Variants in MAP2 observed in about 807,000 individuals in gnomAD.
MAP2 encodes the protein microtubule associated protein 2, also known as microtubule-associated protein 2.
A neutral mutation model predicts 137.6 loss-of-function variants in MAP2; 14 were observed. That is an observed-to-expected ratio of 0.10 (90% CI 0.07 to 0.16). MAP2 has a LOEUF of 0.16. Ranked by LOEUF, MAP2 falls within the 10% of genes least tolerant of loss-of-function variation. The pLI is 1.00. For missense variants in MAP2, 2,088 were observed against 2,191.5 expected, an observed-to-expected ratio of 0.95 and a Z score of 0.94; for synonymous variants, 786 against 782.3, an observed-to-expected ratio of 1.00 and a Z score of -0.08.
rs1257356907 is a variant in MAP2, at chr2:209,484,956, C to T, written c.-221-22636C>T. On this transcript the variant is annotated intron_variant, in intron 1 of 15. Coordinates refer to ENST00000682079, the MANE Select transcript of MAP2 (RefSeq NM_001375505.1). ...TCCCAAAGGCACATTGAAATCGGGCCGATAGAAACGCGATAGCAGTTGTGC... is the reference window on the plus strand; with the variant it reads ...TCCCAAAGGCACATTGAAATCGGGCTGATAGAAACGCGATAGCAGTTGTGC... Among the ~76,000 whole-genome samples, 4 of 152,106 alleles carry T rather than the reference C, an allele frequency of 2.6e-5. No individual in the cohort carries two copies. In the East Asian group the frequency reaches 7.7e-4, roughly 29 times the overall value.
At chr2:209,506,739 A>G (rs915358046) in intron 1 of MAP2, among the ~76,000 whole-genome samples, 1 of 152,174 alleles carries the variant, frequency 6.6e-6, no homozygotes, top group African/African-American at 2.4e-5. Context: ...TTGATCGTTT[A>G]CCACTGGAAT....
Position 209,692,696 on chromosome 2 carries a change from G to C in MAP2, c.526G>C (p.Asp176His), listed in dbSNP as rs375849922. 4 of 1,613,686 alleles carry C rather than the reference G, an allele frequency of 2.5e-6. No homozygotes were observed. The highest frequency in any genetic ancestry group is 3.4e-6 in the Non-Finnish European group (4 of 1,179,850). The change falls in exon 8 of 16, where the codon GAC (aspartate) becomes CAC (histidine). Residue 176 changes from aspartate to histidine, a missense_variant. Physicochemically the swap from Asp to His is moderately conservative, Grantham distance 81 (BLOSUM62 -1). Transcript: ENST00000682079. ...GACTCCCTCTACAGCTGAGCCTTCA[G>C]ACCAGAAGGAAAAGGAGTCAGAGAA... ...ELTPSTAEPS[D>H]QKEKESEKQS...
intron 1 of MAP2, among the ~76,000 whole-genome samples, chr2:209,462,986 C>G (rs1703208466): frequency 6.6e-6 from 1 of 150,814 alleles, no homozygotes. Flanking sequence ...GCATAATGCA[C>G]ACACACACAC....
At chr2:209,595,277 G>A (rs903665379) in intron 3 of MAP2, among the ~76,000 whole-genome samples, 2 of 152,144 alleles carry the variant, frequency 1.3e-5, no homozygotes, top group African/African-American at 2.4e-5. Context: ...GAATATTTAT[G>A]TTAAAATGAG....
intron 5 of MAP2, among the ~76,000 whole-genome samples, chr2:209,675,788 A>C (rs1303138835): frequency 5.9e-5 from 9 of 151,844 alleles, no homozygotes; most frequent in Non-Finnish European, 1.5e-5. Context: ...TATCTTCCCA[A>C]TCTAAAAAAA....
chr2:209,592,067 T>G (rs2079406938), intron 3 of MAP2, among the ~76,000 whole-genome samples: 1 of 152,174 alleles, frequency 6.6e-6, no homozygotes, highest in Non-Finnish European at 1.5e-5. Context: ...TTCTAAGTGT[T>G]GAGATCCAGA....
intron 1 of MAP2, among the ~76,000 whole-genome samples, chr2:209,451,882 C>A (rs1412805493): frequency 1.3e-5 from 2 of 152,188 alleles, no homozygotes; most frequent in African/African-American, 4.8e-5. Context: ...TCTCTACTCT[C>A]ACAAAGAACC....
At chr2:209,553,987 A>G (rs1239801188) in intron 2 of MAP2, among the ~76,000 whole-genome samples, 2 of 152,194 alleles carry the variant, frequency 1.3e-5, no homozygotes, top group African/African-American at 4.8e-5. Flanking sequence ...GAAGCTCACA[A>G]CTGACTCGAG....
chr2:209,695,280 G>A lies in MAP2; in HGVS notation c.3110G>A (p.Gly1037Asp), dbSNP rs745784204. 22 of 1,613,862 alleles carry A rather than the reference G, an allele frequency of 1.4e-5. 1 individual carries two copies. In the South Asian group the frequency reaches 2.4e-4, roughly 18 times the overall value. The change falls in exon 8 of 16, where the codon GGT becomes GAT. Residue 1037 changes from glycine (G) to aspartate (D), a missense_variant. Coordinates refer to ENST00000682079, the MANE Select transcript of MAP2 (RefSeq NM_001375505.1). Reference sequence around the variant, plus strand: ...GAACCATCCAAAAAGGTGGAACAAGGTCTGGATTTTGCTGTCCAGGGTCAA... The same window carrying A: ...GAACCATCCAAAAAGGTGGAACAAGATCTGGATTTTGCTGTCCAGGGTCAA... ...EVEPSKKVEQ[G>D]LDFAVQGQLD... is the part of the protein sequence containing the mutation.
chr2:209,728,855 T>C (rs1325335653), intron 14 of MAP2, among the ~76,000 whole-genome samples: 2 of 152,058 alleles, frequency 1.3e-5, no homozygotes, highest in Non-Finnish European at 2.9e-5. Flanking sequence ...ACGTTACCGC[T>C]TCTTTCCAGA....
chr2:209,643,692 GA>G (rs965531657), intron 4 of MAP2, among the ~76,000 whole-genome samples: 1 of 138,320 alleles, frequency 7.2e-6, no homozygotes, highest in African/African-American at 3.3e-5. Context: ...ATGTGAAGTA[GA>G]TTTTTTTTAA....
At chr2:209,494,712 T>A (rs1174262592) in intron 1 of MAP2, among the ~76,000 whole-genome samples, 2 of 152,246 alleles carry the variant, frequency 1.3e-5, no homozygotes, top group Non-Finnish European at 2.9e-5. Flanking sequence ...ACTTTCTTAA[T>A]AGACTTGCTT....
chr2:209,471,434 C>T (rs1705684092), intron 1 of MAP2, among the ~76,000 whole-genome samples: 1 of 152,070 alleles, frequency 6.6e-6, no homozygotes, highest in Non-Finnish European at 1.5e-5. Context: ...CCTTACATGT[C>T]CTTAGCTATT....
chr2:209,595,877 T>TTC (rs1282603295), intron 3 of MAP2, among the ~76,000 whole-genome samples: 1 of 152,124 alleles, frequency 6.6e-6, no homozygotes, highest in Non-Finnish European at 1.5e-5. Context: ...ACACTGCATG[T>TTC]TCTCACTCAT....
rs761466743 is a variant in MAP2, at chr2:209,694,182, G to A, written c.2012G>A (p.Arg671Lys). Residue 671 changes from arginine to lysine, a missense_variant, in exon 8 of 16, where the codon AGG (arginine) becomes AAG (lysine). Around this residue, in one of 6 missense-constraint regions of MAP2, gnomAD observed 859 missense variants for 794.5 expected, o/e 1.08. Transcript: ENST00000682079. ...GATCCAAAAGTGTATGGAGAGAAAA[G>A]GGACCTCCACAGTAAGAATAAGGAT... The part of the protein sequence containing the change: ...TIDPKVYGEK[R>K]DLHSKNKDDL... 6.2e-7 allele frequency: 1 copy of A among 1,613,984 alleles called. No homozygotes were observed. The highest frequency in any genetic ancestry group is 8.5e-7 in the Non-Finnish European group (1 of 1,180,002).
intron 2 of MAP2, among the ~76,000 whole-genome samples, chr2:209,515,113 T>C (rs1175368830): frequency 1.3e-5 from 2 of 152,158 alleles, no homozygotes; most frequent in South Asian, 2.1e-4. Flanking sequence ...TTATCAACTT[T>C]GTGTTGCTTT....
rs749797441 is a variant in MAP2 at position 209,695,788 on chromosome 2, G to A, written c.3618G>A (p.Glu1206=). The change falls in exon 8 of 16, where the codon GAG becomes GAA. Residue 1206 remains glutamate, a synonymous_variant. Coordinates refer to ENST00000682079, the MANE Select transcript of MAP2 (RefSeq NM_001375505.1). Reference sequence around the variant, plus strand: ...AGGGGCCAAAAGAAGAAAGCAAAGAGACCCCAGATATATCCATCACGCCTT... The same window carrying A: ...AGGGGCCAAAAGAAGAAAGCAAAGAAACCCCAGATATATCCATCACGCCTT... ...FIQGPKEESK[E]TPDISITPSD... 6.2e-7 allele frequency: 1 copy of A among 1,613,934 alleles called. No homozygotes were observed. The highest frequency in any genetic ancestry group is 8.5e-7 in the Non-Finnish European group (1 of 1,179,996).
At chr2:209,698,954 T>C (rs918374342) in intron 10 of MAP2, among the ~76,000 whole-genome samples, 2 of 152,230 alleles carry the variant, frequency 1.3e-5, no homozygotes, top group African/African-American at 4.8e-5. Context: ...AGTGTTTACA[T>C]GTCATTGGTA....
At chr2:209,493,854 C>A (rs1357189689) in intron 1 of MAP2, among the ~76,000 whole-genome samples, 3 of 152,182 alleles carry the variant, frequency 2.0e-5, no homozygotes, top group African/African-American at 7.2e-5. Flanking sequence ...ATTAGTTCAA[C>A]CATTGTGAAA....
Sources: allele counts gnomAD v4.1 joint callset (sites outside exome capture counted in the v4.1 genomes callset), GRCh38; gene constraint gnomAD v4.1.1; regional missense constraint gnomAD v4.1.1; transcripts MANE v1.5; gene names NCBI Gene and HGNC (gene_info 2026-07-23, HGNC 2026-07-21).